Variants in PTPRT observed in about 807,000 individuals in gnomAD.
PTPRT encodes receptor-type tyrosine-protein phosphatase T.
PTPRT carries 56 observed loss-of-function variants against 176.8 expected under a neutral mutation model. That is an observed-to-expected ratio of 0.32 (90% CI 0.26 to 0.40). The LOEUF (loss-of-function observed/expected upper bound fraction) is 0.40. Among genes scored for constraint, PTPRT ranks in the 10% least tolerant of loss-of-function variants. The probability of loss-of-function intolerance (pLI) is 1.00; values close to 1 mark genes in which losing one functional copy is unlikely to be tolerated. For synonymous variants in PTPRT, 783 were observed against 739.0 expected, an observed-to-expected ratio of 1.06 and a Z score of -0.96; for missense variants, 1,540 against 1,908.2, an observed-to-expected ratio of 0.81 and a Z score of 3.60.
intron 2 of PTPRT, among the ~76,000 whole-genome samples, chr20:42,807,173 T>C (rs2077622746): frequency 6.6e-6 from 1 of 152,200 alleles, no homozygotes; most frequent in African/African-American, 2.4e-5. Flanking sequence ...TTTAGATTGG[T>C]ACAGACCTTT....
intron 13 of PTPRT, among the ~76,000 whole-genome samples, chr20:42,267,339 T>C (rs1009762516): frequency 3.3e-5 from 5 of 152,256 alleles, no homozygotes; most frequent in Non-Finnish European, 5.9e-5. Flanking sequence ...TAAGTGCATT[T>C]TCAACTTACA....
chr20:42,846,927 ACT>A (rs2078383169), intron 2 of PTPRT, among the ~76,000 whole-genome samples: 1 of 152,082 alleles, frequency 6.6e-6, no homozygotes, highest in African/African-American at 2.4e-5. Context: ...CCAGATGCAA[ACT>A]CTGTCTCTAC....
At chr20:42,194,247 G>A (rs367664109) in intron 16 of PTPRT, among the ~76,000 whole-genome samples, 3 of 152,206 alleles carry the variant, frequency 2.0e-5, no homozygotes, top group Non-Finnish European at 4.4e-5. Flanking sequence ...ACAGCACAGG[G>A]GTAGGCATGT....
intron 14 of PTPRT, among the ~76,000 whole-genome samples, chr20:42,246,293 C>A (rs2056449858): frequency 6.6e-6 from 1 of 151,854 alleles, no homozygotes; most frequent in South Asian, 2.1e-4. Context: ...TCTTCCTCCC[C>A]ATTTTCTCCT....
At chr20:42,972,676 CAAAAAAAAAAAAA>C (rs33947245) in intron 1 of PTPRT, among the ~76,000 whole-genome samples, 1,637 of 77,642 alleles carry the variant, frequency 0.021, 51 homozygotes, top group African/African-American at 0.077. Flanking sequence ...TCTCAAAAAG[CAAAAAAAAAAAAA>C]AAAAAAAAAG....
chr20:42,500,270 A>C (rs1483214406), intron 7 of PTPRT, among the ~76,000 whole-genome samples: 3 of 152,004 alleles, frequency 2.0e-5, no homozygotes, highest in Admixed American at 6.6e-5. Flanking sequence ...ACCAGACAAA[A>C]ATCAAGAAAG....
At chr20:42,605,133 T>C (rs2073852826) in intron 7 of PTPRT, among the ~76,000 whole-genome samples, 1 of 152,190 alleles carries the variant, frequency 6.6e-6, no homozygotes, top group Admixed American at 6.5e-5. Context: ...GGCACAGGCC[T>C]CTATGAATGC....
chr20:42,520,168 G>C (rs1053478079), intron 7 of PTPRT, among the ~76,000 whole-genome samples: 5 of 151,724 alleles, frequency 3.3e-5, no homozygotes, highest in Non-Finnish European at 7.4e-5. Context: ...ACTTATATTG[G>C]CGATGTGTCT....
intron 6 of PTPRT, among the ~76,000 whole-genome samples, chr20:42,725,043 T>TG (rs2076359591): frequency 7.4e-6 from 1 of 134,814 alleles, no homozygotes. Context: ...GTGTGTGTGT[T>TG]TGAGACTGAG....
intron 1 of PTPRT, among the ~76,000 whole-genome samples, chr20:43,122,484 T>A (rs2013298994): frequency 6.6e-6 from 1 of 152,206 alleles, no homozygotes; most frequent in African/African-American, 2.4e-5. Flanking sequence ...AAATCTCATG[T>A]TGAAATGTGA....
At chr20:42,597,407 G>C (rs534649488) in intron 7 of PTPRT, among the ~76,000 whole-genome samples, 1 of 152,230 alleles carries the variant, frequency 6.6e-6, no homozygotes, top group Admixed American at 6.5e-5. Context: ...TTGGATCTGT[G>C]TCCCCGCCCA....
chr20:42,302,795 G>T (rs2057489569), intron 12 of PTPRT, among the ~76,000 whole-genome samples: 1 of 152,192 alleles, frequency 6.6e-6, no homozygotes, highest in Admixed American at 6.5e-5. Flanking sequence ...AGGAGCTCAT[G>T]ACCAATGAAG....
At chr20:42,374,873 A>C (rs1738129344) in intron 9 of PTPRT, among the ~76,000 whole-genome samples, 1 of 152,224 alleles carries the variant, frequency 6.6e-6, no homozygotes, top group South Asian at 2.1e-4. Flanking sequence ...AGTTAGTAAC[A>C]ACTAGAATCT....
chr20:42,458,142 C>T (rs775625465), intron 8 of PTPRT, among the ~76,000 whole-genome samples: 25 of 152,154 alleles, frequency 1.6e-4, no homozygotes, highest in Non-Finnish European at 3.2e-4. Flanking sequence ...TCTCCCATGA[C>T]GTCTTGCATT....
At chr20:42,560,544 AT>A (rs2072935729) in intron 7 of PTPRT, among the ~76,000 whole-genome samples, 1 of 152,158 alleles carries the variant, frequency 6.6e-6, no homozygotes, top group African/African-American at 2.4e-5. Context: ...AATATTGCCA[AT>A]TTCTCATAGG....
chr20:43,167,808 A>C (rs2014893895), intron 1 of PTPRT, among the ~76,000 whole-genome samples: 1 of 152,216 alleles, frequency 6.6e-6, no homozygotes, highest in Non-Finnish European at 1.5e-5. Context: ...AGCAGCCTGC[A>C]AGAAACTCAA....
chr20:42,291,528 G>A (rs1459902465), intron 12 of PTPRT, among the ~76,000 whole-genome samples: 4 of 152,154 alleles, frequency 2.6e-5, no homozygotes, highest in Admixed American at 6.5e-5. Context: ...GTACACTAAA[G>A]TAAGTGAGAA....
chr20:42,883,876 A>ACCCTC (rs1360041433), intron 2 of PTPRT, among the ~76,000 whole-genome samples: 3 of 131,118 alleles, frequency 2.3e-5, no homozygotes, highest in East Asian at 2.4e-4. Flanking sequence ...ATGCATACAC[A>ACCCTC]CATACACCAA....
At chr20:42,649,790 G>C (rs1369359228) in intron 7 of PTPRT, among the ~76,000 whole-genome samples, 1 of 151,842 alleles carries the variant, frequency 6.6e-6, no homozygotes, top group Non-Finnish European at 1.5e-5. Context: ...CCCAGGTGCA[G>C]TTAACAAGAG....
Sources: allele counts gnomAD v4.1 joint callset (sites outside exome capture counted in the v4.1 genomes callset), GRCh38; gene constraint gnomAD v4.1.1; transcripts MANE v1.5; gene names NCBI Gene and HGNC (gene_info 2026-07-23, HGNC 2026-07-21).